Variants in SHBG observed in about 807,000 individuals in gnomAD.
The protein encoded by SHBG is sex hormone-binding globulin.
A neutral mutation model predicts 41.9 loss-of-function variants in SHBG; 37 were observed. That is an observed-to-expected ratio of 0.88 (90% CI 0.68 to 1.16). The LOEUF (loss-of-function observed/expected upper bound fraction) is 1.16, where lower values mean the gene tolerates loss of function less well. SHBG is among the 50% of genes most tolerant of loss of function. The pLI, the probability that SHBG is intolerant of heterozygous loss-of-function variation, is 0.00. For missense variants in SHBG, 466 were observed against 499.9 expected (o/e 0.93, Z 0.65); for synonymous variants, 217 against 205.8 (o/e 1.05, Z -0.47).
At chr17:7,627,332 C>T (rs896743827), upstream of SHBG, 2 of 1,614,020 alleles carry the variant, frequency 1.2e-6, no homozygotes. The surrounding 1 kb of genome is among the most constrained non-coding windows in gnomAD (Gnocchi z 4.8). Context: ...CCTCCCCAGC[C>T]TCCGCCAGAA....
chr17:7,627,652 T>C (rs568064595), upstream of SHBG: 13 of 1,613,952 alleles, frequency 8.1e-6, no homozygotes, highest in South Asian at 6.6e-5. This position sits in a 1 kb window ranked among gnomAD's most constrained non-coding sequence, Gnocchi z 4.8. Flanking sequence ...CCCCGCTGTC[T>C]GGGACCAAAG....
chr17:7,633,325 AGGCAAT>A lies in SHBG; in HGVS notation c.1187_1192del (p.Asn396_Gly397del). The A allele has an allele frequency of 6.2e-7, 1 of 1,614,226 alleles. No homozygotes were observed. Among genetic ancestry groups the A allele is most frequent in the Non-Finnish European group, 8.5e-7 (1 of 1,180,038 alleles). On this transcript the variant is annotated inframe_deletion, in exon 8 of 8. Transcript: ENST00000380450. ...GGACTCACAGCTGCCCCCAGAGCCC[AGGCAAT>A]GGCACTGACGCTTCCCATTAAAGCT...
At chr17:7,614,700 G>C in intron 1 of SHBG, 1 of 312,848 alleles carries the variant, frequency 3.2e-6, no homozygotes, top group Non-Finnish European at 5.8e-6. Flanking sequence ...ACGAGCAGGG[G>C]GCCGGGGCCG....
upstream of SHBG, chr17:7,627,197 G>C (rs2072239565): frequency 1.2e-6 from 2 of 1,614,102 alleles, no homozygotes. This position sits in a 1 kb window ranked among gnomAD's most constrained non-coding sequence, Gnocchi z 4.8. Context: ...TGATAGAAAG[G>C]ATTGTCTCCA....
chr17:7,626,645 G>T, upstream of SHBG: 1 of 1,610,610 alleles, frequency 6.2e-7, no homozygotes, highest in Non-Finnish European at 8.5e-7. Flanking sequence ...AACTTTTCTG[G>T]GGTCAAAAAA....
rs868738970 is a variant in SHBG at position 7,631,631 on chromosome 17, C to A, written c.598C>A (p.Leu200Met). 6.2e-6 allele frequency: 10 copies of A among 1,614,044 alleles called. No homozygotes were observed. Among genetic ancestry groups the A allele is most frequent in the African/African-American group, 4.0e-5 (3 of 74,922 alleles). ...TGGCTGCCTGCGCCGGGATTCCTGG[C>A]TGGACAAACAGGCCGAGATCTCAGC... ...LDGCLRRDSW[L>M]DKQAEISASA... Residue 200 changes from leucine (L) to methionine (M), a missense_variant, in exon 5 of 8, where the codon CTG becomes ATG. Physicochemically the swap from Leu to Met is conservative, Grantham distance 15. Transcript: ENST00000380450.
In SHBG at chr17:7,630,457, A is replaced by G. The variant is rs1326343398; in HGVS notation, c.153A>G (p.Pro51=). The change falls in exon 2 of 8, where the codon CCA becomes CCG. Residue 51 remains proline (P), a synonymous_variant. Transcript: ENST00000380450. This position sits in a 1 kb window ranked among gnomAD's most constrained non-coding sequence, Gnocchi z 4.6. ...DPPAVHLSNG[P]GQEPIAVMTF... ...CGGCTGTCCACCTCAGCAATGGCCC[A>G]GGACAAGAGCCTATCGCTGTCATGA... is the stretch of plus-strand genomic sequence containing the variant. 7 of 1,614,050 alleles carry G rather than the reference A, an allele frequency of 4.3e-6. No individual in the cohort carries two copies. Among genetic ancestry groups the G allele is most frequent in the Non-Finnish European group, 5.9e-6 (7 of 1,180,034 alleles).
chr17:7,618,749 G>C (rs1465338266), intron 1 of SHBG, among the ~76,000 whole-genome samples: 2 of 152,286 alleles, frequency 1.3e-5, no homozygotes, highest in East Asian at 3.9e-4. Flanking sequence ...CAGGTTCCAG[G>C]AAACAGGACG....
chr17:7,615,222 A>T (rs1205168649), intron 1 of SHBG, among the ~76,000 whole-genome samples: 3 of 151,870 alleles, frequency 2.0e-5, no homozygotes, highest in Admixed American at 6.5e-5. Context: ...CGCTCAGGCC[A>T]CACCCACTCC....
chr17:7,627,008 A>G, upstream of SHBG: 1 of 1,613,938 alleles, frequency 6.2e-7, no homozygotes. This position sits in a 1 kb window ranked among gnomAD's most constrained non-coding sequence, Gnocchi z 4.8. Context: ...TGTACTGTAG[A>G]TGAAATAGTA....
At position 7,632,027 on chromosome 17, in the gene SHBG, C is replaced by A. The variant is rs139527849; in HGVS notation, c.852+12C>A. 14 of 1,612,482 alleles carry A rather than the reference C, an allele frequency of 8.7e-6. 1 individual carries two copies. In the East Asian group the frequency reaches 3.1e-4, roughly 36 times the overall value. ...ACCTCCAAGATCAAGTAAAGGGGGACAGTGGGGCATTGCCTGTATTCAGTG... is the reference window on the plus strand; with the variant it reads ...ACCTCCAAGATCAAGTAAAGGGGGAAAGTGGGGCATTGCCTGTATTCAGTG... On this transcript the variant is annotated intron_variant, in intron 6 of 7. Coordinates refer to ENST00000380450, the MANE Select transcript of SHBG (RefSeq NM_001040.5).
At position 7,631,730 on chromosome 17, in the gene SHBG, G is replaced by T; in HGVS notation, c.697G>T (p.Ala233Ser). The T allele has an allele frequency of 6.2e-7, 1 of 1,614,034 alleles. No homozygotes were observed. Among genetic ancestry groups the T allele is most frequent in the Non-Finnish European group, 8.5e-7 (1 of 1,180,018 alleles). ...PGIFLPPGTQ[A>S]EFNLRDIPQP... Reference sequence around the variant, plus strand: ...GATATTTCTCCCTCCAGGGACTCAGGCAGAATTCAATCTCCGAGGTAGATT... The same window carrying T: ...GATATTTCTCCCTCCAGGGACTCAGTCAGAATTCAATCTCCGAGGTAGATT... Residue 233 changes from alanine (A) to serine (S), a missense_variant, in exon 5 of 8, where the codon GCA becomes TCA. Ala to Ser is a moderately conservative substitution (Grantham distance 99). Coordinates refer to ENST00000380450, the MANE Select transcript of SHBG (RefSeq NM_001040.5).
At chr17:7,633,085 G>A (rs564145660) in intron 7 of SHBG, 119 bp from the exon 8 acceptor site, 1 of 1,414,636 alleles carries the variant, frequency 7.1e-7, no homozygotes, top group South Asian at 1.2e-5. Context: ...GAAGATATGG[G>A]GGCAGTGGAA....
At chr17:7,631,425 C>T (rs1025848294) in intron 4 of SHBG, 64 bp downstream of exon 4, 43 of 1,588,730 alleles carry the variant, frequency 2.7e-5, no homozygotes, top group South Asian at 6.6e-5. Flanking sequence ...GGTGGCTGGC[C>T]GTGGGAATCT....
upstream of SHBG, among the ~76,000 whole-genome samples, chr17:7,625,427 C>A (rs1053916601): frequency 6.6e-6 from 1 of 150,586 alleles, no homozygotes. Flanking sequence ...AATACAAAAA[C>A]TTAGCCGGGC....
Position 7,631,344 on chromosome 17 carries a change from TCCAACCTTCGGTTG to T in SHBG, c.541_554del (p.Asn181AlafsTer28). ...GCTTGGGGGGCTGCTCTTCCCCGCT[TCCAACCTTCGGTTG>T]CCGGTAACTACACCCCAGGGGTGGA... On this transcript the variant is annotated frameshift_variant, in exon 4 of 8. Coordinates refer to ENST00000380450, the MANE Select transcript of SHBG (RefSeq NM_001040.5). LOFTEE classifies it high-confidence loss of function. The T allele has an allele frequency of 6.2e-7, 1 of 1,613,442 alleles. No homozygotes were observed. The highest frequency in any genetic ancestry group is 1.1e-5 in the South Asian group (1 of 91,024).
chr17:7,630,893 G>A lies in SHBG; in HGVS notation c.393+24G>A, dbSNP rs753249851. On this transcript the variant is annotated intron_variant, in intron 3 of 7. Transcript: ENST00000380450. This position sits in a 1 kb window ranked among gnomAD's most constrained non-coding sequence, Gnocchi z 4.6. Reference sequence around the variant, plus strand: ...AGGTAAGCTAGCTCTGGTCCTCAGGGGAGGGATGTCTGGAGCTGGTCTGAG... The same window carrying A: ...AGGTAAGCTAGCTCTGGTCCTCAGGAGAGGGATGTCTGGAGCTGGTCTGAG... 5 of 1,605,148 alleles carry A rather than the reference G, an allele frequency of 3.1e-6. No individual in the cohort carries two copies. The South Asian group carries it at 4.4e-5, about 14-fold the overall frequency.
chr17:7,627,358 C>T, upstream of SHBG: 1 of 1,614,170 alleles, frequency 6.2e-7, no homozygotes, highest in Non-Finnish European at 8.5e-7. The surrounding 1 kb of genome is among the most constrained non-coding windows in gnomAD (Gnocchi z 4.8). Flanking sequence ...GCGCTGAGCC[C>T]CCACCTTCTT....
Position 7,630,634 on chromosome 17 carries a change from C to G in SHBG, c.204-46C>G, listed in dbSNP as rs2072374196. 1.9e-6 allele frequency: 3 copies of G among 1,582,484 alleles called. No individual in the cohort carries two copies. The highest frequency in any genetic ancestry group is 2.2e-5 in the South Asian group (2 of 90,114). On this transcript the variant is annotated intron_variant, in intron 2 of 7. Coordinates refer to ENST00000380450, the MANE Select transcript of SHBG (RefSeq NM_001040.5). The surrounding 1 kb of genome is among the most constrained non-coding windows in gnomAD (Gnocchi z 4.6). ...TCTCCCCCAAACCCACACTGGTTCTCAAAGGACACATGACATACACAATCT... is the reference window on the plus strand; with the variant it reads ...TCTCCCCCAAACCCACACTGGTTCTGAAAGGACACATGACATACACAATCT...
Sources: gnomAD v4.1 joint callset for allele counts (sites outside exome capture counted in the v4.1 genomes callset) on GRCh38, gnomAD v4.1.1 for gene constraint, Gnocchi (gnomAD v3.1) non-coding constraint, MANE v1.5 for transcripts, NCBI Gene and HGNC (gene_info 2026-07-23, HGNC 2026-07-21) for gene names.